The following TAF1 variants were observed in gnomAD, a reference collection of about 807,000 sequenced individuals.
TAF1 encodes the protein transcription initiation factor TFIID subunit 1.
TAF1 carries 2 observed loss-of-function variants against 138.5 expected under a neutral mutation model. That is an observed-to-expected ratio of 0.01 (90% CI 0.01 to 0.05). The LOEUF is 0.05. Ranked by LOEUF, TAF1 falls within the 10% of genes least tolerant of loss-of-function variation. The pLI is 1.00. For synonymous variants in TAF1, 437 were observed against 503.2 expected, an observed-to-expected ratio of 0.87 and a Z score of 1.76; for missense variants, 709 against 1,478.0, an observed-to-expected ratio of 0.48 and a Z score of 8.53.
chrX:71,368,126 G>T lies in TAF1; in HGVS notation c.308G>T (p.Arg103Ile). 2.5e-6 allele frequency: 3 copies of T among 1,212,197 alleles called. No individual in the cohort carries two copies. Among genetic ancestry groups the T allele is most frequent in the Non-Finnish European group, 3.3e-6 (3 of 895,649 alleles). Residue 103 changes from arginine to isoleucine, a missense_variant, in exon 3 of 38, where the codon AGA becomes ATA. By Grantham distance (97) the Arg-to-Ile change is moderately conservative. This residue lies in a region of TAF1 where 123 missense variants were observed against 161.6 expected (regional missense o/e 0.76). Transcript: ENST00000423759. ...GAGGTGGCAGAAGATGAAAGCCGAA[G>T]ATACCAGCAGACGATGGGGAGCTTG... ...INEVAEDESR[R>I]YQQTMGSLQP... is the part of the protein sequence containing the mutation.
At chrX:71,508,974 AT>A (rs112575547) in intron 13 of TAF1, among the ~76,000 whole-genome samples, 1,448 of 101,871 alleles carry the variant, frequency 0.014, 23 homozygotes, top group African/African-American at 0.045. Context: ...AGCCAATTAA[AT>A]TTTTTTTTTT....
At chrX:71,387,950 T>C (rs1047110309) in intron 15 of TAF1, among the ~76,000 whole-genome samples, 4 of 103,265 alleles carry the variant, frequency 3.9e-5, no homozygotes, top group Admixed American at 2.1e-4. Context: ...AAAAAAAAAA[T>C]TTAGCCAGGC....
chrX:71,505,512 A>C (rs1407186422), intron 13 of TAF1, among the ~76,000 whole-genome samples: 2 of 112,063 alleles, frequency 1.8e-5, no homozygotes, highest in East Asian at 5.6e-4. Context: ...TCCTCTCCCA[A>C]ATGCATACTC....
chrX:71,410,242 T>C (rs1280867639), intron 28 of TAF1, among the ~76,000 whole-genome samples: 2 of 110,385 alleles, frequency 1.8e-5, no homozygotes, highest in Non-Finnish European at 3.8e-5. Context: ...GATACTGTTA[T>C]AACCCTCATT....
At chrX:71,418,520 ATAAT>A (rs976837801) in intron 28 of TAF1, among the ~76,000 whole-genome samples, 16 of 112,919 alleles carry the variant, frequency 1.4e-4, no homozygotes, top group African/African-American at 5.1e-4. Flanking sequence ...GCTGAATTAA[ATAAT>A]AAGTGAGAAT....
chrX:71,508,066 T>TTCTCTCTCTCTCTCTC (rs369650229), intron 13 of TAF1, among the ~76,000 whole-genome samples: 64 of 83,536 alleles, frequency 7.7e-4, no homozygotes, highest in African/African-American at 2.5e-3. Flanking sequence ...TATATGAATA[T>TTCTCTCTCTCTCTCTC]TCTCTCTCTC....
intron 32 of TAF1, among the ~76,000 whole-genome samples, chrX:71,426,986 T>TATA (rs1449114895): frequency 8.9e-6 from 1 of 111,991 alleles, no homozygotes; most frequent in Non-Finnish European, 1.9e-5. Flanking sequence ...TCCACATGAT[T>TATA]ATAAGACTTT....
downstream of TAF1, among the ~76,000 whole-genome samples, chrX:71,470,619 C>T (rs974433612): frequency 3.7e-5 from 4 of 106,973 alleles, no homozygotes; most frequent in Non-Finnish European, 5.8e-5. Context: ...TCAAGTGATC[C>T]GCCCACCTCA....
intron 13 of TAF1, among the ~76,000 whole-genome samples, chrX:71,503,265 T>C (rs1304487159): frequency 1.1e-5 from 1 of 93,392 alleles, no homozygotes; most frequent in Non-Finnish European, 2.0e-5. Flanking sequence ...AGTGAGACTG[T>C]CTCAAAAAAA....
chrX:71,391,809 T>C (rs896476180), intron 18 of TAF1, among the ~76,000 whole-genome samples: 5 of 109,261 alleles, frequency 4.6e-5, no homozygotes, highest in African/African-American at 1.7e-4. Flanking sequence ...GTACTTTTAG[T>C]AGAGATGGGG....
At chrX:71,469,227 G>A (rs1224881249), downstream of TAF1, among the ~76,000 whole-genome samples, 3 of 111,660 alleles carry the variant, frequency 2.7e-5, no homozygotes, top group Non-Finnish European at 3.8e-5. Flanking sequence ...AGGAGTTTAA[G>A]GCTGCAGTGA....
intron 37 of TAF1, among the ~76,000 whole-genome samples, chrX:71,462,570 C>CA (rs1196849572): frequency 9.0e-6 from 1 of 110,737 alleles, no homozygotes; most frequent in African/African-American, 3.3e-5. Context: ...GACTCAGTCT[C>CA]AAAATGATAA....
chrX:71,425,050 G>A (rs936009137), intron 32 of TAF1, among the ~76,000 whole-genome samples: 1 of 111,858 alleles, frequency 8.9e-6, no homozygotes, highest in Non-Finnish European at 1.9e-5. Context: ...AGAAAAATGA[G>A]GTGAGCATAA....
At position 71,383,891 on chromosome X, in the gene TAF1, G is replaced by GA. The variant is rs1369356173; in HGVS notation, c.1948-70dup. On this transcript the variant is annotated intron_variant, in intron 12 of 37. Transcript: ENST00000423759. Reference sequence around the variant, plus strand: ...AAATGTTTTTGGTGTGTTTGTCTCAGATTGAACAACGTCATTGTGTGTAGT... The same window carrying GA: ...AAATGTTTTTGGTGTGTTTGTCTCAGAATTGAACAACGTCATTGTGTGTAGT... 1.3e-5 allele frequency: 14 copies of GA among 1,085,529 alleles called. No homozygotes were observed. The African/African-American group carries it at 2.6e-4, about 21-fold the overall frequency. The allele number at this position is 1,085,529 out of a possible 1,213,427, so 89.5% of individuals were successfully genotyped here.
chrX:71,413,770 T>C (rs1364157058), intron 28 of TAF1: 1 of 111,608 alleles, frequency 9.0e-6, no homozygotes, highest in Non-Finnish European at 1.9e-5. Flanking sequence ...CATAATTTAT[T>C]CCATCTTCAC....
At chrX:71,411,050 T>G (rs1273845819) in intron 28 of TAF1, among the ~76,000 whole-genome samples, 1 of 110,471 alleles carries the variant, frequency 9.1e-6, no homozygotes, top group Non-Finnish European at 1.9e-5. Context: ...CCCAAAGTGC[T>G]GGGATTACAG....
At chrX:71,528,771 GC>G in intron 14 of TAF1, 1 of 283,395 alleles carries the variant, frequency 3.5e-6, no homozygotes, top group South Asian at 3.3e-5. Context: ...CAAAGAGTGA[GC>G]GGCAGCAAGA....
At chrX:71,524,575 T>G (rs1426861128) in intron 13 of TAF1, among the ~76,000 whole-genome samples, 1 of 108,847 alleles carries the variant, frequency 9.2e-6, no homozygotes, top group African/African-American at 3.4e-5. Flanking sequence ...CTGGGTGTGG[T>G]GGTGCACACA....
downstream of TAF1, chrX:71,466,009 G>T (rs748415997): frequency 8.9e-6 from 1 of 111,994 alleles, no homozygotes; most frequent in South Asian, 3.7e-4. Flanking sequence ...AATTCCAGCA[G>T]TAGTGTGGAG....
Sources: allele counts gnomAD v4.1 joint callset (sites outside exome capture counted in the v4.1 genomes callset), GRCh38; gene constraint gnomAD v4.1.1; regional missense constraint gnomAD v4.1.1; transcripts MANE v1.5; gene names NCBI Gene and HGNC (gene_info 2026-07-23, HGNC 2026-07-21).